ILDR1: variants seen among roughly 807,000 people sequenced by gnomAD.
The protein encoded by ILDR1 is immunoglobulin-like domain-containing receptor 1.
In ILDR1, 56 loss-of-function variants were observed where a neutral mutation model predicts 62.4. That is an observed-to-expected ratio of 0.90 (90% CI 0.72 to 1.12). The LOEUF (loss-of-function observed/expected upper bound fraction) is 1.12, where lower values mean the gene tolerates loss of function less well. Ranked by LOEUF, ILDR1 falls within the 50% of genes most tolerant of loss-of-function variation. ILDR1 has a pLI of 0.00. For synonymous variants in ILDR1, 284 were observed against 277.8 expected (o/e 1.02, Z -0.22); for missense variants, 736 against 710.6 (o/e 1.04, Z -0.41).
chr3:122,029,509 A>ATATATAT, the ILDR1 span, among the ~76,000 whole-genome samples: 18 of 113,504 alleles, frequency 1.6e-4, no homozygotes, highest in South Asian at 6.0e-4. Flanking sequence ...CCGTCTAAAA[A>ATATATAT]AAATATATAT....
At chr3:121,990,601 CT>C (rs1015720241) in intron 7 of ILDR1, among the ~76,000 whole-genome samples, 11 of 152,010 alleles carry the variant, frequency 7.2e-5, no homozygotes, top group African/African-American at 1.5e-4. Context: ...TTCTCTCTTC[CT>C]TTTTTTTCTG....
chr3:122,060,009 A>G, the ILDR1 span, among the ~76,000 whole-genome samples: 3 of 152,138 alleles, frequency 2.0e-5, no homozygotes, highest in Non-Finnish European at 4.4e-5. Flanking sequence ...GCTTCCAGAA[A>G]AAAAATAAAT....
chr3:121,990,305 G>T (rs1233620106), intron 7 of ILDR1, among the ~76,000 whole-genome samples: 2 of 152,216 alleles, frequency 1.3e-5, no homozygotes, highest in Non-Finnish European at 2.9e-5. Context: ...TGAGCAATCT[G>T]CCAAATCAAG....
At chr3:122,024,852 TTAATA>T (rs1365938436), upstream of ILDR1, among the ~76,000 whole-genome samples, 2 of 152,226 alleles carry the variant, frequency 1.3e-5, no homozygotes, top group African/African-American at 4.8e-5. Context: ...CACATAGCTA[TTAATA>T]TATTTCCATC....
At chr3:122,029,511 A>ATATATATATATATATATATATATAT in the ILDR1 span, among the ~76,000 whole-genome samples, 7 of 139,476 alleles carry the variant, frequency 5.0e-5, no homozygotes, top group African/African-American at 1.7e-4. Context: ...GTCTAAAAAA[A>ATATATATATATATATATATATATAT]ATATATATAT....
the ILDR1 span, among the ~76,000 whole-genome samples, chr3:122,058,160 A>C: frequency 6.6e-6 from 1 of 152,208 alleles, no homozygotes; most frequent in Admixed American, 6.5e-5. Flanking sequence ...AACAGAGGAA[A>C]AGTGATTTGT....
chr3:122,007,641 G>C (rs1295840994), intron 1 of ILDR1, among the ~76,000 whole-genome samples: 2 of 152,090 alleles, frequency 1.3e-5, no homozygotes, highest in African/African-American at 2.4e-5. Flanking sequence ...CCATCGAGGG[G>C]TCAGCCATTC....
Position 122,012,093 on chromosome 3 carries a change from C to A in ILDR1, c.59-4932G>T, listed in dbSNP as rs2071712630. Among the ~76,000 whole-genome samples the A allele has an allele frequency of 2.0e-5, 3 of 152,196 alleles. No homozygotes were observed. In the South Asian group the frequency reaches 6.2e-4, roughly 31 times the overall value. On this transcript the variant is annotated intron_variant, in intron 1 of 7. Transcript: ENST00000344209. ...AAGGCAGTAGCAAGACAGTCCATCT[C>A]AAAGGCAAAAATCACCCACTTTCTT...
intron 1 of ILDR1, among the ~76,000 whole-genome samples, chr3:122,018,965 T>A (rs72965405): frequency 2.0e-5 from 3 of 152,180 alleles, no homozygotes; most frequent in Admixed American, 6.5e-5. Context: ...TCTAAGGATA[T>A]TCTTACTTAG....
chr3:122,047,369 T>C, the ILDR1 span, among the ~76,000 whole-genome samples: 1 of 152,230 alleles, frequency 6.6e-6, no homozygotes, highest in Non-Finnish European at 1.5e-5. Context: ...CTGCTGTCTT[T>C]TTGTCTGTGC....
At chr3:122,056,494 C>T in the ILDR1 span, among the ~76,000 whole-genome samples, 22 of 152,220 alleles carry the variant, frequency 1.4e-4, no homozygotes, top group African/African-American at 4.8e-4. Context: ...ACCACCACGC[C>T]CGGCTAATTT....
chr3:121,989,602 G>A (rs1237534713), intron 7 of ILDR1, among the ~76,000 whole-genome samples: 1 of 152,140 alleles, frequency 6.6e-6, no homozygotes, highest in African/African-American at 2.4e-5. Flanking sequence ...CAGGAGCCTG[G>A]GCCACTCAAG....
the ILDR1 span, among the ~76,000 whole-genome samples, chr3:122,040,539 T>C: frequency 2.0e-5 from 3 of 151,814 alleles, no homozygotes; most frequent in African/African-American, 7.3e-5. Flanking sequence ...CAAGACTTAT[T>C]ATAAAGCTAC....
At chr3:122,030,623 T>TTC in the ILDR1 span, among the ~76,000 whole-genome samples, 3,651 of 147,544 alleles carry the variant, frequency 0.025, 44 homozygotes, top group East Asian at 0.045. Context: ...GCAAGGGTTT[T>TTC]TCTCTCTCTC....
chr3:122,036,181 T>C, the ILDR1 span, among the ~76,000 whole-genome samples: 35 of 152,366 alleles, frequency 2.3e-4, no homozygotes, highest in African/African-American at 7.9e-4. Context: ...TTAGGGCATC[T>C]GGTGGAAGAA....
intron 2 of ILDR1, 61 bp downstream of exon 2, chr3:122,006,930 C>A: frequency 1.3e-6 from 2 of 1,542,638 alleles, no homozygotes; most frequent in East Asian, 4.7e-5. Flanking sequence ...TCAACCCTAA[C>A]CGCAGTATGT....
intron 7 of ILDR1, among the ~76,000 whole-genome samples, chr3:121,992,143 A>T (rs752228769): frequency 2.7e-5 from 4 of 150,556 alleles, no homozygotes; most frequent in South Asian, 4.2e-4. Flanking sequence ...TTAATTATAA[A>T]TTTTTTTTTT....
the ILDR1 span, among the ~76,000 whole-genome samples, chr3:122,038,001 G>C: frequency 6.6e-6 from 1 of 151,636 alleles, no homozygotes; most frequent in Non-Finnish European, 1.5e-5. Context: ...GGATGTGCTT[G>C]CTCCTCCTTC....
At chr3:121,992,286 G>A (rs1018988793) in intron 7 of ILDR1, among the ~76,000 whole-genome samples, 5 of 152,122 alleles carry the variant, frequency 3.3e-5, no homozygotes, top group South Asian at 2.1e-4. Context: ...ACAGGCACCC[G>A]CCACCACACC....
Sources: gnomAD v4.1 joint callset for allele counts (sites outside exome capture counted in the v4.1 genomes callset) on GRCh38, gnomAD v4.1.1 for gene constraint, MANE v1.5 for transcripts, NCBI Gene and HGNC (gene_info 2026-07-23, HGNC 2026-07-21) for gene names.